The following UNC5D variants were observed in gnomAD, a reference collection of about 807,000 sequenced individuals.
UNC5D encodes the protein netrin receptor UNC5D.
A neutral mutation model predicts 105.4 loss-of-function variants in UNC5D; 39 were observed. The ratio of observed to expected loss-of-function variants is 0.37; its 90% CI spans 0.29 to 0.48. The LOEUF is 0.48. Ranked by LOEUF, UNC5D falls within the 20% of genes least tolerant of loss-of-function variation. The pLI, the probability that UNC5D is intolerant of heterozygous loss-of-function variation, is 0.98. For synonymous variants in UNC5D, 452 were observed against 450.4 expected (o/e 1.00, Z -0.04); for missense variants, 991 against 1,202.4 (o/e 0.82, Z 2.60).
intron 6 of UNC5D, among the ~76,000 whole-genome samples, chr8:35,685,064 G>A (rs1280744427): frequency 6.6e-6 from 1 of 152,154 alleles, no homozygotes; most frequent in Non-Finnish European, 1.5e-5. Flanking sequence ...CTCTCCTTGG[G>A]TTCTCCCATC....
At chr8:35,412,520 A>T (rs1328049243) in intron 1 of UNC5D, among the ~76,000 whole-genome samples, 2 of 151,874 alleles carry the variant, frequency 1.3e-5, no homozygotes, top group Non-Finnish European at 2.9e-5. Context: ...TCTATTCCTA[A>T]ATACCACAGG....
chr8:35,320,235 G>A (rs539618133), intron 1 of UNC5D, among the ~76,000 whole-genome samples: 43 of 152,110 alleles, frequency 2.8e-4, no homozygotes, highest in Middle Eastern at 3.4e-3. Flanking sequence ...CCAGGTTATA[G>A]GTGGTTCAAA....
chr8:35,292,827 C>G (rs997338274), intron 1 of UNC5D, among the ~76,000 whole-genome samples: 1 of 151,090 alleles, frequency 6.6e-6, no homozygotes, highest in African/African-American at 2.4e-5. Context: ...AGCAATTCTC[C>G]TGCCTCAGCT....
chr8:35,721,537 G>C (rs1044480975), intron 8 of UNC5D: 2 of 702,486 alleles, frequency 2.8e-6, no homozygotes, highest in Non-Finnish European at 5.2e-6. Context: ...TTAGAGTCTA[G>C]CATTTAATTG....
rs200160909 is a variant in UNC5D at position 35,748,644 on chromosome 8, T to A, written c.1884T>A (p.Ser628=). The A allele has an allele frequency of 1.2e-5, 19 of 1,613,958 alleles. No individual in the cohort carries two copies. In the South Asian group the frequency reaches 2.1e-4, roughly 18 times the overall value. The stretch of plus-strand genomic sequence containing the variant: ...TCCCGCACTGTGCAGATGTCAGTTC[T>A]GAGCATTGGAATATCCATTTAAAGA... ...LTIPHCADVS[S]EHWNIHLKKR... The change falls in exon 12 of 17, where the codon TCT becomes TCA. Residue 628 remains serine, a synonymous_variant. Coordinates refer to ENST00000404895, the MANE Select transcript of UNC5D (RefSeq NM_080872.4).
chr8:35,641,365 G>GAAAA (rs1822703868), intron 4 of UNC5D, among the ~76,000 whole-genome samples: 1 of 19,874 alleles, frequency 5.0e-5, no homozygotes, highest in Non-Finnish European at 1.1e-4. Context: ...AAAAAATAAA[G>GAAAA]CAAAAAAAAA....
chr8:35,284,546 T>C (rs1421775585), intron 1 of UNC5D, among the ~76,000 whole-genome samples: 3 of 152,024 alleles, frequency 2.0e-5, no homozygotes, highest in Admixed American at 1.3e-4. Flanking sequence ...ATTTAAAATA[T>C]AATGTTTCTT....
rs894803561 is a variant in UNC5D, at chr8:35,633,705, T to G, written c.570+38048T>G. ...GGGAGTTTGAGGTTACAGTGAGCTG[T>G]GATTGTACCATTGCACACCAGCTTA... On this transcript the variant is annotated intron_variant, in intron 4 of 16. Transcript: ENST00000404895. Among the ~76,000 whole-genome samples, 6 of 152,290 alleles carry G rather than the reference T, an allele frequency of 3.9e-5. No homozygotes were observed. The South Asian group carries it at 1.2e-3, about 32-fold the overall frequency.
At chr8:35,322,955 A>G (rs1365913022) in intron 1 of UNC5D, among the ~76,000 whole-genome samples, 1 of 152,102 alleles carries the variant, frequency 6.6e-6, no homozygotes, top group East Asian at 1.9e-4. Context: ...ATATTTCTTG[A>G]TAATATATCT....
intron 14 of UNC5D, among the ~76,000 whole-genome samples, chr8:35,765,315 A>C (rs1285944878): frequency 6.6e-6 from 1 of 152,200 alleles, no homozygotes; most frequent in Admixed American, 6.5e-5. Flanking sequence ...AGAGAATGGC[A>C]AAGATAGAGT....
intron 4 of UNC5D, among the ~76,000 whole-genome samples, chr8:35,632,079 CA>C (rs1822076139): frequency 6.6e-6 from 1 of 152,302 alleles, no homozygotes; most frequent in African/African-American, 2.4e-5. Flanking sequence ...AGCTCAAGCA[CA>C]GGAATCTATT....
At chr8:35,520,823 T>A (rs967969367) in intron 1 of UNC5D, among the ~76,000 whole-genome samples, 3 of 152,146 alleles carry the variant, frequency 2.0e-5, no homozygotes, top group African/African-American at 7.2e-5. Flanking sequence ...GAAGTCCCAT[T>A]TTCTTAGACT....
chr8:35,658,257 G>C (rs1823893442), intron 4 of UNC5D, among the ~76,000 whole-genome samples: 1 of 152,096 alleles, frequency 6.6e-6, no homozygotes, highest in South Asian at 2.1e-4. Context: ...AATCTTAAGT[G>C]GAAGTATATT....
intron 1 of UNC5D, among the ~76,000 whole-genome samples, chr8:35,495,781 C>T (rs1401871140): frequency 6.6e-6 from 1 of 152,028 alleles, no homozygotes; most frequent in South Asian, 2.1e-4. Flanking sequence ...GCAGTAAAAA[C>T]CCTATTTTTT....
chr8:35,624,468 T>G (rs1283673794), intron 4 of UNC5D, among the ~76,000 whole-genome samples: 1 of 152,190 alleles, frequency 6.6e-6, no homozygotes, highest in Non-Finnish European at 1.5e-5. Flanking sequence ...AGTCCCGTAT[T>G]CGTCTTGCAC....
chr8:35,409,815 A>G (rs1206721338), intron 1 of UNC5D, among the ~76,000 whole-genome samples: 1 of 152,024 alleles, frequency 6.6e-6, no homozygotes, highest in African/African-American at 2.4e-5. Flanking sequence ...CAAACTTAAT[A>G]TGCAGATTTC....
At chr8:35,335,051 CTCT>C (rs1454064902) in intron 1 of UNC5D, among the ~76,000 whole-genome samples, 1 of 152,042 alleles carries the variant, frequency 6.6e-6, no homozygotes, top group Admixed American at 6.6e-5. Context: ...AATATATGTG[CTCT>C]TCTTTTTGTC....
intron 1 of UNC5D, among the ~76,000 whole-genome samples, chr8:35,467,499 C>A (rs1809387667): frequency 1.4e-5 from 2 of 147,568 alleles, no homozygotes; most frequent in South Asian, 4.2e-4. Context: ...CTTAGATATG[C>A]AGCATTAATG....
At chr8:35,643,328 T>C (rs867914572) in intron 4 of UNC5D, among the ~76,000 whole-genome samples, 1 of 152,178 alleles carries the variant, frequency 6.6e-6, no homozygotes, top group East Asian at 1.9e-4. Context: ...CCTCTCCTCC[T>C]TTTTGCAGCC....
Sources: allele counts gnomAD v4.1 joint callset (sites outside exome capture counted in the v4.1 genomes callset), GRCh38; gene constraint gnomAD v4.1.1; transcripts MANE v1.5; gene names NCBI Gene and HGNC (gene_info 2026-07-23, HGNC 2026-07-21).